The following NPAS3 variants were observed in gnomAD, a reference collection of about 807,000 sequenced individuals.
The protein encoded by NPAS3 is neuronal PAS domain-containing protein 3.
Under a neutral mutation model 73.1 loss-of-function variants are expected in NPAS3, and 14 were observed. That is an observed-to-expected ratio of 0.19 (90% CI 0.13 to 0.30). The LOEUF is 0.30. NPAS3 is among the 10% of genes least tolerant of loss of function. NPAS3 has a pLI of 1.00. For synonymous variants in NPAS3, 620 were observed against 541.5 expected, an observed-to-expected ratio of 1.14 and a Z score of -2.01; for missense variants, 1,096 against 1,250.0, an observed-to-expected ratio of 0.88 and a Z score of 1.86.
At chr14:33,245,253 C>G (rs2048336851) in intron 3 of NPAS3, among the ~76,000 whole-genome samples, 1 of 152,156 alleles carries the variant, frequency 6.6e-6, no homozygotes, top group African/African-American at 2.4e-5. Context: ...TGATCAACCT[C>G]ATTGGAGAAT....
chr14:33,063,922 A>G (rs1466390254), intron 2 of NPAS3, among the ~76,000 whole-genome samples: 2 of 152,262 alleles, frequency 1.3e-5, no homozygotes, highest in African/African-American at 2.4e-5. Flanking sequence ...TTCAACCGCC[A>G]GCAAGAAAAG....
intron 2 of NPAS3, among the ~76,000 whole-genome samples, chr14:33,196,116 A>G (rs1566662738): frequency 6.6e-6 from 1 of 152,168 alleles, no homozygotes; most frequent in Non-Finnish European, 1.5e-5. Context: ...CTAAGGTCCC[A>G]TGACTTGTAG....
intron 2 of NPAS3, among the ~76,000 whole-genome samples, chr14:33,106,547 C>T (rs555069022): frequency 1.3e-5 from 2 of 152,254 alleles, no homozygotes; most frequent in African/African-American, 4.8e-5. Context: ...AAGTGGTTGA[C>T]TAATCAGTTG....
intron 2 of NPAS3, among the ~76,000 whole-genome samples, chr14:33,102,061 C>T (rs1204747732): frequency 6.6e-6 from 1 of 152,170 alleles, no homozygotes; most frequent in African/African-American, 2.4e-5. Flanking sequence ...TCTGTTCCCA[C>T]TACCATGCCA....
intron 2 of NPAS3, among the ~76,000 whole-genome samples, chr14:33,126,388 G>T (rs376627559): frequency 1.6e-4 from 24 of 152,216 alleles, no homozygotes; most frequent in African/African-American, 5.3e-4. Context: ...TGTAGCAGAG[G>T]TCTTACAGCT....
intron 4 of NPAS3, among the ~76,000 whole-genome samples, chr14:33,428,958 C>T (rs2048669517): frequency 6.6e-6 from 1 of 152,044 alleles, no homozygotes; most frequent in African/African-American, 2.4e-5. Context: ...AAACTAGACA[C>T]TATTTGGAGA....
At chr14:33,241,621 G>C (rs1294286727) in intron 3 of NPAS3, among the ~76,000 whole-genome samples, 1 of 151,960 alleles carries the variant, frequency 6.6e-6, no homozygotes, top group Non-Finnish European at 1.5e-5. Flanking sequence ...TGTTAGTCTA[G>C]TCTCCCTCTG....
At chr14:33,461,128 G>C (rs949762200) in intron 4 of NPAS3, among the ~76,000 whole-genome samples, 1 of 152,122 alleles carries the variant, frequency 6.6e-6, no homozygotes, top group Non-Finnish European at 1.5e-5. Context: ...TATTTACTTA[G>C]GGCCTGCGAG....
chr14:33,294,285 C>G lies in NPAS3; in HGVS notation c.386-72901C>G, dbSNP rs566087048. 5.9e-5 allele frequency among the ~76,000 whole-genome samples: 9 copies of G among 152,288 alleles called. No homozygotes were observed. The East Asian group carries it at 1.7e-3, about 29-fold the overall frequency. ...TTCAGTTTCTAGAAGTCTCCATGTT[C>G]TTTTTCTCCACTGCCTACAGACATA... On this transcript the variant is annotated intron_variant, in intron 3 of 11. Coordinates refer to ENST00000356141, the Ensembl canonical transcript of NPAS3.
chr14:33,038,983 G>A (rs752262196), intron 1 of NPAS3, among the ~76,000 whole-genome samples: 3 of 152,170 alleles, frequency 2.0e-5, no homozygotes, highest in African/African-American at 7.2e-5. Context: ...AGATGAGGAA[G>A]AAAAGACTAT....
At chr14:33,181,755 A>G (rs1340039620) in intron 2 of NPAS3, among the ~76,000 whole-genome samples, 5 of 152,212 alleles carry the variant, frequency 3.3e-5, no homozygotes, top group Admixed American at 3.3e-4. Flanking sequence ...ATCTGGGCTC[A>G]TGCATATTTT....
chr14:33,129,540 A>G (rs1414002658), intron 2 of NPAS3, among the ~76,000 whole-genome samples: 1 of 152,202 alleles, frequency 6.6e-6, no homozygotes, highest in Non-Finnish European at 1.5e-5. Flanking sequence ...GTGCTTGTAA[A>G]GAAATGTCTG....
At chr14:33,280,355 T>C (rs1464508381) in intron 3 of NPAS3, among the ~76,000 whole-genome samples, 2 of 152,188 alleles carry the variant, frequency 1.3e-5, no homozygotes, top group African/African-American at 4.8e-5. Flanking sequence ...ATATTTAAGA[T>C]TTAAGCATTA....
intron 7 of NPAS3, among the ~76,000 whole-genome samples, chr14:33,754,764 A>G (rs961613127): frequency 7.2e-5 from 11 of 152,198 alleles, no homozygotes; most frequent in African/African-American, 2.7e-4. Flanking sequence ...CTTAAAAATC[A>G]TAGAATCGTA....
intron 5 of NPAS3, among the ~76,000 whole-genome samples, chr14:33,636,906 C>CACACACACAG (rs1413861992): frequency 6.8e-6 from 1 of 147,716 alleles, no homozygotes; most frequent in African/African-American, 2.6e-5. Flanking sequence ...GGAGTGTGCA[C>CACACACACAG]ACACACACAC....
chr14:33,284,759 T>C (rs1037807733), intron 3 of NPAS3, among the ~76,000 whole-genome samples: 1 of 122,840 alleles, frequency 8.1e-6, no homozygotes, highest in East Asian at 2.1e-4. Flanking sequence ...TATATATCTA[T>C]ATCTATATCT....
intron 2 of NPAS3, among the ~76,000 whole-genome samples, chr14:33,206,550 C>T (rs1360973450): frequency 6.6e-6 from 1 of 152,176 alleles, no homozygotes; most frequent in East Asian, 1.9e-4. Context: ...TCAGTCATAT[C>T]TAGTGTAGGC....
intron 6 of NPAS3, among the ~76,000 whole-genome samples, chr14:33,708,705 A>G (rs1325608802): frequency 6.6e-6 from 1 of 152,226 alleles, no homozygotes; most frequent in Admixed American, 6.5e-5. Flanking sequence ...ACACAGACAC[A>G]TGGAGGTGGG....
chr14:32,955,065 G>GT (rs2036620656), intron 1 of NPAS3, among the ~76,000 whole-genome samples: 1 of 152,054 alleles, frequency 6.6e-6, no homozygotes, highest in South Asian at 2.1e-4. Flanking sequence ...TCACACTTTT[G>GT]TATGTACCAT....
Sources: allele counts gnomAD v4.1 joint callset (sites outside exome capture counted in the v4.1 genomes callset), GRCh38; gene constraint gnomAD v4.1.1; transcripts MANE v1.5; gene names NCBI Gene and HGNC (gene_info 2026-07-23, HGNC 2026-07-21).